Variants in WDR11 observed in about 807,000 individuals in gnomAD.
WDR11 encodes the protein WD repeat domain 11.
In WDR11, 83 loss-of-function variants were observed where a neutral mutation model predicts 151.2. That is an observed-to-expected ratio of 0.55 (90% CI 0.46 to 0.66). The LOEUF is 0.66. Ranked by LOEUF, WDR11 falls within the 30% of genes least tolerant of loss-of-function variation. WDR11 has a pLI of 0.00. For missense variants in WDR11, 1,301 were observed against 1,480.9 expected, an observed-to-expected ratio of 0.88 and a Z score of 1.99; for synonymous variants, 484 against 533.1, an observed-to-expected ratio of 0.91 and a Z score of 1.27.
intron 11 of WDR11, among the ~76,000 whole-genome samples, chr10:120,874,565 G>GC (rs1274070849): frequency 2.7e-5 from 4 of 148,876 alleles, no homozygotes; most frequent in African/African-American, 7.4e-5. Flanking sequence ...CCCCTCACAT[G>GC]CCCCCGCCAA....
At chr10:120,854,505 A>G (rs542514787) in intron 2 of WDR11, among the ~76,000 whole-genome samples, 7 of 152,232 alleles carry the variant, frequency 4.6e-5, no homozygotes, top group Non-Finnish European at 8.8e-5. Context: ...CTGTGTTTTC[A>G]TTTCCCTTGA....
intron 9 of WDR11, among the ~76,000 whole-genome samples, chr10:120,869,978 C>T (rs963449603): frequency 2.0e-5 from 3 of 151,914 alleles, no homozygotes; most frequent in Non-Finnish European, 1.5e-5. Flanking sequence ...TTAGTAGAGA[C>T]AGGGTTTCAC....
chr10:120,870,887 A>G (rs1003459497), intron 9 of WDR11, among the ~76,000 whole-genome samples: 20 of 152,176 alleles, frequency 1.3e-4, no homozygotes, highest in African/African-American at 4.8e-4. Flanking sequence ...CTTTAATACC[A>G]GGAACATTGA....
intron 9 of WDR11, among the ~76,000 whole-genome samples, chr10:120,869,287 GT>G (rs1038186701): frequency 6.6e-6 from 1 of 150,912 alleles, no homozygotes; most frequent in Non-Finnish European, 1.5e-5. Flanking sequence ...ATTTTTTTGT[GT>G]TTTTTTAGTA....
intron 10 of WDR11, among the ~76,000 whole-genome samples, chr10:120,872,772 G>A (rs775010721): frequency 2.0e-5 from 3 of 152,080 alleles, no homozygotes; most frequent in Admixed American, 2.0e-4. Flanking sequence ...TTTTCTCAGT[G>A]CCAAAAGGTA....
At position 120,851,468 on chromosome 10, in the gene WDR11, G is replaced by C. The variant is rs762116159; in HGVS notation, c.48G>C (p.Thr16=). 6.2e-7 allele frequency: 1 copy of C among 1,612,266 alleles called. No homozygotes were observed. Among genetic ancestry groups the C allele is most frequent in the Non-Finnish European group, 8.5e-7 (1 of 1,179,756 alleles). The change falls in exon 1 of 29, where the codon ACG becomes ACC. Residue 16 remains threonine (T), a synonymous_variant. Transcript: ENST00000263461. The part of the protein sequence containing the change: ...VNFKVSARTL[T]GALNAHNKAA... ...TCAAGGTGTCGGCGCGCACCCTCACGGGGGCCCTCAACGCCCACAACAAGG... is the reference window on the plus strand; with the variant it reads ...TCAAGGTGTCGGCGCGCACCCTCACCGGGGCCCTCAACGCCCACAACAAGG...
At position 120,865,046 on chromosome 10, in the gene WDR11, G is replaced by A. The variant is rs1389879973; in HGVS notation, c.714-1G>A. On this transcript the variant is annotated splice_acceptor_variant, in intron 5 of 28. Coordinates refer to ENST00000263461, the MANE Select transcript of WDR11 (RefSeq NM_018117.12). LOFTEE classifies it high-confidence loss of function. ...CCCAAGTGAATGTTTACTTTTTTCA[G>A]TGCTGAATTCATAACTCTCAATGAT... 1.9e-6 allele frequency: 3 copies of A among 1,613,694 alleles called. No homozygotes were observed. The South Asian group carries it at 3.3e-5, about 18-fold the overall frequency.
At chr10:120,891,680 T>TCC (rs774822262) in intron 19 of WDR11, among the ~76,000 whole-genome samples, 30 of 152,344 alleles carry the variant, frequency 2.0e-4, no homozygotes, top group Middle Eastern at 3.4e-3. Flanking sequence ...TGAACCTTTG[T>TCC]AGAGTCAATA....
At chr10:120,893,829 G>A (rs1398749235) in intron 19 of WDR11, among the ~76,000 whole-genome samples, 2 of 150,656 alleles carry the variant, frequency 1.3e-5, no homozygotes, top group Non-Finnish European at 3.0e-5. Flanking sequence ...AGAAGTGTCT[G>A]TTCATATCCT....
chr10:120,900,231 G>A, intron 20 of WDR11, 94 bp downstream of exon 20: 4 of 1,089,236 alleles, frequency 3.7e-6, no homozygotes, highest in East Asian at 2.4e-5. Context: ...AGCATTTAAA[G>A]GGAATGGAGC....
chr10:120,870,524 C>T lies in WDR11; in HGVS notation c.1295-646C>T, dbSNP rs140453550. On this transcript the variant is annotated intron_variant, in intron 9 of 28. Coordinates refer to ENST00000263461, the MANE Select transcript of WDR11 (RefSeq NM_018117.12). ...AGTTTGAGACTTGCTAACCTAAGTA[C>T]GAATGGTATATGTGAAAATAATGCC... Among the ~76,000 whole-genome samples, 474 of 152,116 alleles carry T rather than the reference C, an allele frequency of 3.1e-3. 2 individuals carry two copies. The highest frequency in any genetic ancestry group is 0.011 in the African/African-American group (453 of 41,478).
intron 9 of WDR11, among the ~76,000 whole-genome samples, chr10:120,870,039 C>T (rs567058461): frequency 2.6e-5 from 4 of 152,246 alleles, no homozygotes; most frequent in South Asian, 2.1e-4. Flanking sequence ...CCGGTTGCCT[C>T]GGCCTCCCAA....
chr10:120,852,585 A>T lies in WDR11; in HGVS notation c.148A>T (p.Thr50Ser). ...HSLVVVIDSI[T>S]AQTLQVLEKH... ...ACTTGTGGTAGTGATTGATTCCATT[A>T]CTGCCCAAACTCTTCAAGTTTTAGA... is the stretch of plus-strand genomic sequence containing the variant. Residue 50 changes from threonine to serine, a missense_variant, in exon 2 of 29, where the codon ACT (threonine) becomes TCT (serine). Transcript: ENST00000263461. 3.1e-6 allele frequency: 5 copies of T among 1,614,096 alleles called. No homozygotes were observed. Among genetic ancestry groups the T allele is most frequent in the Non-Finnish European group, 4.2e-6 (5 of 1,179,998 alleles).
At chr10:120,880,630 G>A (rs1188944659) in intron 12 of WDR11, 196 bp from the exon 13 acceptor site, 7 of 537,206 alleles carry the variant, frequency 1.3e-5, no homozygotes, top group Non-Finnish European at 2.3e-5. Flanking sequence ...TTGCACTCCA[G>A]CCTGGGTAAC....
intron 10 of WDR11, among the ~76,000 whole-genome samples, chr10:120,873,008 T>C (rs1001068105): frequency 3.3e-5 from 5 of 152,172 alleles, no homozygotes; most frequent in Admixed American, 6.5e-5. Flanking sequence ...GCTTAACTTA[T>C]AAAAACACTA....
rs1845768033 is a variant in WDR11, at chr10:120,851,462, C to G, written c.42C>G (p.Thr14=). 6.2e-7 allele frequency: 1 copy of G among 1,612,344 alleles called. No individual in the cohort carries two copies. The highest frequency in any genetic ancestry group is 8.5e-7 in the Non-Finnish European group (1 of 1,179,810). ...YTVNFKVSAR[T]LTGALNAHNK... ...TGAACTTCAAGGTGTCGGCGCGCAC[C>G]CTCACGGGGGCCCTCAACGCCCACA... The change falls in exon 1 of 29, where the codon ACC becomes ACG. Residue 14 remains threonine (T), a synonymous_variant. Transcript: ENST00000263461.
chr10:120,859,001 G>A (rs1218986299), intron 3 of WDR11, among the ~76,000 whole-genome samples: 1 of 152,086 alleles, frequency 6.6e-6, no homozygotes, highest in Non-Finnish European at 1.5e-5. Flanking sequence ...AATCTCAACT[G>A]ATTTGTGCTT....
At position 120,866,005 on chromosome 10, in the gene WDR11, T is replaced by C. The variant is rs11199606; in HGVS notation, c.994+261T>C. 0.35 allele frequency among the ~76,000 whole-genome samples: 52,712 copies of C among 151,690 alleles called. 11,609 individuals carry two copies. Among genetic ancestry groups the C allele is most frequent in the African/African-American group, 0.63 (25,984 of 41,280 alleles). The stretch of plus-strand genomic sequence containing the variant: ...TATCCATGAGCCAAGTAGATATTAT[T>C]TTTTGGAATTTTTTTTTTTTTTCAG... On this transcript the variant is annotated intron_variant, in intron 7 of 28. Coordinates refer to ENST00000263461, the MANE Select transcript of WDR11 (RefSeq NM_018117.12).
chr10:120,908,991 T>A lies in WDR11; in HGVS notation c.*278T>A. 2 of 409,216 alleles carry A rather than the reference T, an allele frequency of 4.9e-6. No individual in the cohort carries two copies. The highest frequency in any genetic ancestry group is 6.7e-5 in the South Asian group (2 of 29,758). The allele number at this position is 409,216 out of a possible 1,614,324, so 25.3% of individuals were successfully genotyped here. ...AGAGAGCTTTAAGAGTCCCTGGAAATACTTTTTAATTTTTTTAACTTAAAA... is the reference window on the plus strand; with the variant it reads ...AGAGAGCTTTAAGAGTCCCTGGAAAAACTTTTTAATTTTTTTAACTTAAAA... On this transcript the variant is annotated 3_prime_UTR_variant, in exon 29 of 29. Transcript: ENST00000263461.
Sources: gnomAD v4.1 joint callset for allele counts (sites outside exome capture counted in the v4.1 genomes callset) on GRCh38, gnomAD v4.1.1 for gene constraint, MANE v1.5 for transcripts, NCBI Gene and HGNC (gene_info 2026-07-23, HGNC 2026-07-21) for gene names.